The following PARD3 variants were observed in gnomAD, a reference collection of about 807,000 sequenced individuals.
The protein encoded by PARD3 is par-3 family cell polarity regulator.
In PARD3, 75 loss-of-function variants were observed where a neutral mutation model predicts 155.4. That is an observed-to-expected ratio of 0.48 (90% CI 0.40 to 0.58). The LOEUF (loss-of-function observed/expected upper bound fraction) is 0.58, where lower values mean the gene tolerates loss of function less well. PARD3 is among the 20% of genes least tolerant of loss of function. PARD3 has a pLI of 0.00. For missense variants in PARD3, 1,642 were observed against 1,721.7 expected, an observed-to-expected ratio of 0.95 and a Z score of 0.82; for synonymous variants, 576 against 610.5, an observed-to-expected ratio of 0.94 and a Z score of 0.83.
At chr10:34,375,119 T>C (rs547755009) in intron 10 of PARD3, 117 bp from the exon 11 acceptor site, 1 of 765,168 alleles carries the variant, frequency 1.3e-6, no homozygotes, top group African/African-American at 1.8e-5. Context: ...ATATCTGCTA[T>C]GGAACATAAC....
intron 5 of PARD3, among the ~76,000 whole-genome samples, chr10:34,442,645 A>T (rs2076525358): frequency 1.3e-5 from 2 of 152,196 alleles, no homozygotes; most frequent in African/African-American, 4.8e-5. Flanking sequence ...AAAGCAGGAG[A>T]ATCACTTGAA....
rs1476259919 is a variant in PARD3, at chr10:34,517,042, A to C, written c.340T>G (p.Ser114Ala). The C allele has an allele frequency of 1.9e-6, 3 of 1,614,214 alleles. No individual in the cohort carries two copies. The highest frequency in any genetic ancestry group is 2.5e-6 in the Non-Finnish European group (3 of 1,180,020). Residue 114 changes from serine (S) to alanine (A), a missense_variant, in exon 3 of 25, where the codon TCA becomes GCA. By Grantham distance (99) the Ser-to-Ala change is moderately conservative. Transcript: ENST00000374788. ...GTTGCTTGGTAAGGCTGAAAGGCTG[A>C]GACATTGTTGGTGCCAAGCTCACTA... ...FGSELGTNNV[S>A]AFQPYQATSE... is the part of the protein sequence containing the mutation.
chr10:34,504,960 C>T (rs2080963018), intron 3 of PARD3, among the ~76,000 whole-genome samples: 1 of 152,044 alleles, frequency 6.6e-6, no homozygotes, highest in Admixed American at 6.6e-5. Context: ...CAAAATAATC[C>T]ACAATATGGG....
intron 1 of PARD3, among the ~76,000 whole-genome samples, chr10:34,787,742 C>T (rs1267527724): frequency 1.3e-5 from 2 of 151,262 alleles, no homozygotes; most frequent in Non-Finnish European, 2.9e-5. Flanking sequence ...ATGTCCACAC[C>T]CAAGGCACAC....
intron 22 of PARD3, among the ~76,000 whole-genome samples, chr10:34,190,926 C>G (rs1950678967): frequency 6.6e-6 from 1 of 151,900 alleles, no homozygotes; most frequent in Non-Finnish European, 1.5e-5. Context: ...TGTAGTTCAA[C>G]TAGGCTGGTG....
chr10:34,780,448 ATATTTTC>A (rs368768819), intron 1 of PARD3, among the ~76,000 whole-genome samples: 48 of 152,348 alleles, frequency 3.2e-4, no homozygotes, highest in Middle Eastern at 3.4e-3. Context: ...TTTGTTGGCA[ATATTTTC>A]TAGGGATAAA....
chr10:34,557,481 G>A (rs965052967), intron 2 of PARD3, among the ~76,000 whole-genome samples: 5 of 151,884 alleles, frequency 3.3e-5, no homozygotes, highest in African/African-American at 9.7e-5. Flanking sequence ...CTACTGTTTC[G>A]TTTTTTTGTT....
intron 2 of PARD3, among the ~76,000 whole-genome samples, chr10:34,683,496 G>A (rs1199053003): frequency 1.3e-5 from 2 of 150,312 alleles, no homozygotes; most frequent in Non-Finnish European, 3.0e-5. Flanking sequence ...GCGTGAAGCC[G>A]GGATTCAAAT....
rs576577255 is a variant in PARD3 at position 34,724,723 on chromosome 10, G to T, written c.121-28304C>A. Among the ~76,000 whole-genome samples the T allele has an allele frequency of 5.3e-5, 8 of 152,342 alleles. No individual in the cohort carries two copies. The South Asian group carries it at 1.7e-3, about 32-fold the overall frequency. On this transcript the variant is annotated intron_variant, in intron 1 of 24. Coordinates refer to ENST00000374788, the MANE Select transcript of PARD3 (RefSeq NM_001184785.2). ...AACTCAGGACAAAGGCAGGGGTGTAGAGGTGAAGAAGAGCTCTGGGGATAG... is the reference window on the plus strand; with the variant it reads ...AACTCAGGACAAAGGCAGGGGTGTATAGGTGAAGAAGAGCTCTGGGGATAG...
Position 34,629,470 on chromosome 10 carries a change from C to T in PARD3, c.222+66848G>A, listed in dbSNP as rs144950694. On this transcript the variant is annotated intron_variant, in intron 2 of 24. Transcript: ENST00000374788. ...GTGCATGTGCACACACACACACATA[C>T]ACACGTTAAGGTCAATGAATCCAGA... 3.9e-5 allele frequency among the ~76,000 whole-genome samples: 6 copies of T among 152,290 alleles called. No homozygotes were observed. The East Asian group carries it at 1.2e-3, about 29-fold the overall frequency.
chr10:34,584,628 ATT>A (rs1401172620), intron 2 of PARD3, among the ~76,000 whole-genome samples: 1 of 152,112 alleles, frequency 6.6e-6, no homozygotes, highest in Admixed American at 6.6e-5. Context: ...GACTCAATCA[ATT>A]TTTAAGCGTC....
At chr10:34,734,837 T>C (rs1018511752) in intron 1 of PARD3, among the ~76,000 whole-genome samples, 1 of 152,096 alleles carries the variant, frequency 6.6e-6, no homozygotes, top group African/African-American at 2.4e-5. Flanking sequence ...AGCAAGACAC[T>C]AGATGTTAAT....
chr10:34,382,428 C>T, intron 9 of PARD3, 112 bp downstream of exon 9: 2 of 1,006,884 alleles, frequency 2.0e-6, no homozygotes, highest in African/African-American at 3.2e-5. Flanking sequence ...TTAGATAAGA[C>T]TCAGGGTGCT....
intron 1 of PARD3, among the ~76,000 whole-genome samples, chr10:34,707,762 C>A (rs1042015943): frequency 6.6e-6 from 1 of 152,178 alleles, no homozygotes; most frequent in Non-Finnish European, 1.5e-5. Context: ...CTGTCAGAGT[C>A]CTTTCTCAGT....
intron 1 of PARD3, among the ~76,000 whole-genome samples, chr10:34,771,463 C>T (rs1588679762): frequency 6.6e-6 from 1 of 152,364 alleles, no homozygotes; most frequent in East Asian, 1.9e-4. Flanking sequence ...CAGTTATTAT[C>T]ACCATCATCA....
chr10:34,161,308 T>C (rs372472490), intron 22 of PARD3, among the ~76,000 whole-genome samples: 2 of 137,384 alleles, frequency 1.5e-5, no homozygotes, highest in South Asian at 4.7e-4. Context: ...AAGAGGGGAG[T>C]GGGGAGGGAG....
intron 7 of PARD3, among the ~76,000 whole-genome samples, chr10:34,392,026 G>A (rs1364722411): frequency 1.3e-5 from 2 of 152,124 alleles, no homozygotes; most frequent in East Asian, 1.9e-4. Flanking sequence ...GCATAGTGGT[G>A]TGTGCCTGTG....
intron 9 of PARD3, among the ~76,000 whole-genome samples, chr10:34,380,201 A>G (rs896034933): frequency 2.0e-5 from 3 of 152,166 alleles, no homozygotes; most frequent in African/African-American, 7.2e-5. Flanking sequence ...TTTATAGTAA[A>G]CATAATTTTT....
chr10:34,250,486 T>A (rs1053352191), intron 22 of PARD3, among the ~76,000 whole-genome samples: 1 of 152,208 alleles, frequency 6.6e-6, no homozygotes, highest in African/African-American at 2.4e-5. Context: ...CTCAAATGCA[T>A]TCATTTATTC....
Sources: allele counts gnomAD v4.1 joint callset (sites outside exome capture counted in the v4.1 genomes callset), GRCh38; gene constraint gnomAD v4.1.1; transcripts MANE v1.5; gene names NCBI Gene and HGNC (gene_info 2026-07-23, HGNC 2026-07-21).